DOCK2: variants seen among roughly 807,000 people sequenced by gnomAD.
DOCK2 encodes dedicator of cytokinesis 2.
In DOCK2, 87 loss-of-function variants were observed where a neutral mutation model predicts 248.9. That is an observed-to-expected ratio of 0.35 (90% CI 0.29 to 0.42). The LOEUF (loss-of-function observed/expected upper bound fraction) is 0.42. Among genes scored for constraint, DOCK2 ranks in the 10% least tolerant of loss-of-function variants. The pLI, the probability that DOCK2 is intolerant of heterozygous loss-of-function variation, is 1.00. For synonymous variants in DOCK2, 805 were observed against 821.6 expected (o/e 0.98, Z 0.35); for missense variants, 1,747 against 2,300.2 (o/e 0.76, Z 4.92).
At chr5:169,813,761 T>C (rs992865781) in intron 26 of DOCK2, among the ~76,000 whole-genome samples, 2 of 152,314 alleles carry the variant, frequency 1.3e-5, no homozygotes, top group South Asian at 4.1e-4. Context: ...GTGGCTTCTT[T>C]CCTAATAGCA....
At chr5:169,833,986 C>T (rs546219498) in intron 26 of DOCK2, among the ~76,000 whole-genome samples, 2 of 151,382 alleles carry the variant, frequency 1.3e-5, no homozygotes, top group African/African-American at 4.9e-5. Flanking sequence ...ATGTCCCAAC[C>T]AGGTCACCCT....
intron 29 of DOCK2, among the ~76,000 whole-genome samples, chr5:169,995,504 A>G (rs1754586414): frequency 6.6e-6 from 1 of 152,230 alleles, no homozygotes; most frequent in Non-Finnish European, 1.5e-5. Context: ...ACATCCATAC[A>G]GTGGAATGCT....
intron 41 of DOCK2, among the ~76,000 whole-genome samples, chr5:170,054,543 A>G (rs1340998525): frequency 6.6e-6 from 1 of 152,238 alleles, no homozygotes; most frequent in Non-Finnish European, 1.5e-5. Context: ...ACTCTTTTCC[A>G]CTGTCTGAAC....
chr5:169,989,296 A>AT (rs978346855), intron 29 of DOCK2, among the ~76,000 whole-genome samples: 4 of 152,300 alleles, frequency 2.6e-5, no homozygotes, highest in African/African-American at 9.6e-5. Flanking sequence ...GATGTTGTTA[A>AT]TTTTTAAATG....
chr5:169,956,243 A>T (rs527394775), intron 27 of DOCK2, among the ~76,000 whole-genome samples: 1 of 152,338 alleles, frequency 6.6e-6, no homozygotes, highest in East Asian at 1.9e-4. Context: ...CAAATTTCAG[A>T]TGCTTCTTTA....
At chr5:169,722,979 C>A (rs1762288129) in intron 22 of DOCK2, among the ~76,000 whole-genome samples, 1 of 152,230 alleles carries the variant, frequency 6.6e-6, no homozygotes, top group South Asian at 2.1e-4. Context: ...CTAGCCCTCA[C>A]TGGGTGGTCC....
At chr5:169,929,311 T>A (rs2624252) in intron 27 of DOCK2, among the ~76,000 whole-genome samples, 92,958 of 152,050 alleles carry the variant, frequency 0.61, 29,310 homozygotes, top group African/African-American at 0.79. Context: ...CACCAACAAG[T>A]TCATCTCACA....
intron 27 of DOCK2, among the ~76,000 whole-genome samples, chr5:169,956,623 A>C (rs1055581437): frequency 6.6e-6 from 1 of 152,222 alleles, no homozygotes; most frequent in African/African-American, 2.4e-5. Flanking sequence ...ATCTGCTAAG[A>C]AAATACATTG....
At chr5:169,758,280 C>T (rs1037283198) in intron 23 of DOCK2, among the ~76,000 whole-genome samples, 2 of 152,142 alleles carry the variant, frequency 1.3e-5, no homozygotes, top group African/African-American at 2.4e-5. Context: ...CACACATGCA[C>T]ATGTAGGTTC....
intron 27 of DOCK2, among the ~76,000 whole-genome samples, chr5:169,898,387 G>T (rs1174892291): frequency 1.3e-5 from 2 of 152,190 alleles, no homozygotes; most frequent in Admixed American, 6.5e-5. Flanking sequence ...TCTAGAGCCA[G>T]GCTGCCTGGG....
intron 27 of DOCK2, among the ~76,000 whole-genome samples, chr5:169,907,930 G>A (rs888889206): frequency 6.6e-6 from 1 of 152,200 alleles, no homozygotes; most frequent in Non-Finnish European, 1.5e-5. Flanking sequence ...AACATCTCTT[G>A]TGCAGGCACT....
chr5:169,747,402 T>C lies in DOCK2; in HGVS notation c.2274T>C (p.Tyr758=), dbSNP rs138285820. 1.7e-5 allele frequency: 28 copies of C among 1,612,172 alleles called. No homozygotes were observed. In the African/African-American group the frequency reaches 3.3e-4, roughly 19 times the overall value. Residue 758 remains tyrosine (Y), a synonymous_variant, in exon 23 of 52, where the codon TAT becomes TAC. Coordinates refer to ENST00000520908, the MANE Select transcript of DOCK2 (RefSeq NM_004946.3). ...CAGATGTATCTTGTTTCAGGCTTTA[T>C]GAAGGCAAAGAACAGATGGAGTTTG... ...VRSRTLFSQL[Y]EGKEQMEFEE...
chr5:169,777,348 T>G (rs1320259720), intron 25 of DOCK2, among the ~76,000 whole-genome samples: 1 of 152,200 alleles, frequency 6.6e-6, no homozygotes, highest in Non-Finnish European at 1.5e-5. Flanking sequence ...GGACGTTCCC[T>G]GCAATACCAA....
intron 6 of DOCK2, among the ~76,000 whole-genome samples, chr5:169,675,493 A>G (rs575659442): frequency 6.6e-6 from 1 of 152,356 alleles, no homozygotes; most frequent in East Asian, 1.9e-4. Flanking sequence ...AGCCACAAGT[A>G]AACTGCTGAT....
intron 27 of DOCK2, among the ~76,000 whole-genome samples, chr5:169,906,105 C>T (rs186139432): frequency 2.0e-5 from 3 of 152,294 alleles, no homozygotes; most frequent in Non-Finnish European, 2.9e-5. Flanking sequence ...AGTTACCAAA[C>T]GGTCCTGAGT....
rs527374314 is a variant in DOCK2, at chr5:170,040,951, G to A, written c.3666-104G>A. On this transcript the variant is annotated intron_variant, in intron 36 of 51. Coordinates refer to ENST00000520908, the MANE Select transcript of DOCK2 (RefSeq NM_004946.3). ...TATCCAGGGAGGAGGACTTTCTTGC[G>A]ACCCAGAGAGGTGCCCAGTTGTTCT... 5 of 992,428 alleles carry A rather than the reference G, an allele frequency of 5.0e-6. No individual in the cohort carries two copies. In the East Asian group the frequency reaches 7.3e-5, roughly 14 times the overall value. 61.5% of individuals were successfully genotyped at this position (992,428 alleles called of 1,614,324 possible). A position where few individuals can be genotyped will look rare whatever the true frequency, so the allele number is the denominator to read the frequency against.
chr5:170,057,549 C>T, intron 43 of DOCK2, 31 bp from the exon 44 acceptor site: 1 of 1,603,028 alleles, frequency 6.2e-7, no homozygotes, highest in Non-Finnish European at 8.5e-7. Flanking sequence ...TGTTGCTTTC[C>T]TGCCCTTGCC....
chr5:169,685,030 G>A (rs1174195197), intron 8 of DOCK2, among the ~76,000 whole-genome samples: 1 of 152,214 alleles, frequency 6.6e-6, no homozygotes, highest in Non-Finnish European at 1.5e-5. Context: ...TATAGGCTCT[G>A]AGATCTGTCT....
At chr5:169,982,877 T>C (rs1374765341) in intron 27 of DOCK2, among the ~76,000 whole-genome samples, 191 bp from the exon 28 acceptor site, 1 of 152,230 alleles carries the variant, frequency 6.6e-6, no homozygotes, top group Non-Finnish European at 1.5e-5. Context: ...TTCCCCAGTG[T>C]GCGAACAGCA....
Sources: allele counts gnomAD v4.1 joint callset (sites outside exome capture counted in the v4.1 genomes callset), GRCh38; gene constraint gnomAD v4.1.1; transcripts MANE v1.5; gene names NCBI Gene and HGNC (gene_info 2026-07-23, HGNC 2026-07-21).